The following SCART1 variants were observed in gnomAD, a reference collection of about 807,000 sequenced individuals.
SCART1 encodes the protein scavenger receptor family member expressed on T cells 1, also known as scavenger receptor cysteine-rich domain-containing protein SCART1.
A neutral mutation model predicts 36.2 loss-of-function variants in SCART1; 62 were observed. The observed-to-expected ratio is 1.71, with a 90% CI of 1.40 to 2.12. The LOEUF (loss-of-function observed/expected upper bound fraction) is 2.12. Among genes scored for constraint, SCART1 ranks in the 30% most tolerant of loss-of-function variants. The pLI is 0.00. For synonymous variants in SCART1, 487 were observed against 238.7 expected (o/e 2.04, Z -9.59); for missense variants, 1,041 against 540.5 (o/e 1.93, Z -9.18).
In SCART1 at chr10:133,458,667, G is replaced by C. The variant is rs1460176199; in HGVS notation, c.979+11G>C. 8 of 700,580 alleles carry C rather than the reference G, an allele frequency of 1.1e-5. No homozygotes were observed. Among genetic ancestry groups the C allele is most frequent in the Non-Finnish European group, 1.8e-5 (7 of 384,828 alleles). 43.4% of individuals were successfully genotyped at this position (700,580 alleles called of 1,614,324 possible). A position where few individuals can be genotyped will look rare whatever the true frequency, so the allele number is the denominator to read the frequency against. On this transcript the variant is annotated intron_variant, in intron 4 of 11. Transcript: ENST00000640237. The stretch of plus-strand genomic sequence containing the variant: ...GGCTCAGGTGCTCAGGTGAAGTCCT[G>C]TGTGTGGGCTCTGAAGGCTCAGCCC...
chr10:133,459,103 C>A, exon 5 of SCART1: 1 of 702,832 alleles, frequency 1.4e-6, no homozygotes, highest in South Asian at 1.5e-5. Flanking sequence ...CCCTCTGTGC[C>A]ACCCACTGGG....
rs529205247 is a variant in SCART1, at chr10:133,454,162, G to A, written c.67+98G>A. ...ATGAGGGTCCCTGCAGTGACCTGCC[G>A]TCTGCCTGGGTCTCACTCAGCCCAG... On this transcript the variant is annotated intron_variant, in intron 1 of 11. Coordinates refer to ENST00000640237, the Ensembl canonical transcript of SCART1. 4.9e-4 allele frequency: 339 copies of A among 691,892 alleles called. 2 individuals carry two copies. Among genetic ancestry groups the A allele is most frequent in the South Asian group, 3.4e-3 (226 of 66,142 alleles). The allele number at this position is 691,892 out of a possible 1,614,324, so 42.9% of individuals were successfully genotyped here. A position where few individuals can be genotyped will look rare whatever the true frequency, so the allele number is the denominator to read the frequency against.
At chr10:133,466,286 T>C in exon 10 of SCART1, 1 of 703,032 alleles carries the variant, frequency 1.4e-6, no homozygotes, top group Non-Finnish European at 2.6e-6. Context: ...ACATTCTGGG[T>C]GGTCAGTGTC....
rs1364649470 is a variant in SCART1, at chr10:133,464,930, G to C, written c.2275+19G>C. On this transcript the variant is annotated intron_variant, in intron 7 of 11. Coordinates refer to ENST00000640237, the Ensembl canonical transcript of SCART1. The stretch of plus-strand genomic sequence containing the variant: ...AGAGCAGGTCTGGATTACCTGTGCA[G>C]GTGGGCATTAGAGGTCTCTGGGGGT... 1.4e-6 allele frequency: 1 copy of C among 702,842 alleles called. No homozygotes were observed. Among genetic ancestry groups the C allele is most frequent in the Non-Finnish European group, 2.6e-6 (1 of 385,002 alleles). The allele number at this position is 702,842 out of a possible 1,614,324, so 43.5% of individuals were successfully genotyped here.
intron 1 of SCART1, among the ~76,000 whole-genome samples, chr10:133,454,553 C>T (rs1850584869): frequency 6.6e-6 from 1 of 151,912 alleles, no homozygotes; most frequent in South Asian, 2.1e-4. Flanking sequence ...GGGTCAGGGG[C>T]AGGGAGGTGT....
chr10:133,461,633 C>A (rs1850702891), intron 6 of SCART1, among the ~76,000 whole-genome samples: 1 of 152,088 alleles, frequency 6.6e-6, no homozygotes, highest in South Asian at 2.1e-4. Flanking sequence ...GCTCTTCAGT[C>A]CTTTGGTGTA....
chr10:133,456,581 G>A (rs1850615810), intron 2 of SCART1, 27 bp downstream of exon 2: 1 of 631,402 alleles, frequency 1.6e-6, no homozygotes, highest in Non-Finnish European at 2.9e-6. Context: ...GAAGGGGACG[G>A]GGCTGAGGAG....
chr10:133,455,097 T>C (rs1850592261), intron 1 of SCART1, among the ~76,000 whole-genome samples: 1 of 151,968 alleles, frequency 6.6e-6, no homozygotes, highest in Non-Finnish European at 1.5e-5. Context: ...TGAAACCCCA[T>C]CTCTACTAAA....
At chr10:133,465,522 C>T (rs533378213) in exon 9 of SCART1, 4 of 525,582 alleles carry the variant, frequency 7.6e-6, no homozygotes, top group South Asian at 2.7e-5. Flanking sequence ...GGTGGGGACG[C>T]GGAGACCGCG....
chr10:133,458,057 C>A (rs1327111769), intron 3 of SCART1: 10 of 607,378 alleles, frequency 1.6e-5, no homozygotes, highest in Non-Finnish European at 2.7e-5. Flanking sequence ...GCCCTGACCT[C>A]GCCTCTGGGA....
intron 10 of SCART1, among the ~76,000 whole-genome samples, 192 bp downstream of exon 10, chr10:133,466,573 A>G (rs190521141): frequency 1.8e-3 from 267 of 152,334 alleles, no homozygotes; most frequent in African/African-American, 6.2e-3. Context: ...CTTAGAAAGA[A>G]ACACTTAAAA....
At chr10:133,460,034 C>T (rs1355620580) in exon 6 of SCART1, 3 of 515,996 alleles carry the variant, frequency 5.8e-6, no homozygotes, top group Non-Finnish European at 1.0e-5. Flanking sequence ...CCGCACACTT[C>T]GGAGCCGGGG....
chr10:133,462,733 G>A (rs1156616802), intron 6 of SCART1, among the ~76,000 whole-genome samples: 2 of 152,172 alleles, frequency 1.3e-5, no homozygotes, highest in African/African-American at 4.8e-5. Context: ...GAAGGCAGGA[G>A]TAGTGGAGGC....
intron 10 of SCART1, 56 bp from the exon 11 acceptor site, chr10:133,467,142 C>A (rs1360351942): frequency 3.3e-6 from 2 of 608,156 alleles, no homozygotes; most frequent in South Asian, 4.0e-5. Flanking sequence ...TCCTCCCTTG[C>A]CTGTGGCCAC....
exon 6 of SCART1, chr10:133,459,974 C>A (rs766544758): frequency 1.8e-6 from 1 of 545,398 alleles, no homozygotes; most frequent in Non-Finnish European, 3.2e-6. Flanking sequence ...GGGACGCGCA[C>A]GTGGTCTGCA....
chr10:133,467,941 G>A (rs530263918), exon 12 of SCART1: 38 of 698,228 alleles, frequency 5.4e-5, no homozygotes, highest in Middle Eastern at 2.3e-4. Flanking sequence ...ACGAGGCTGC[G>A]TTTCCTCTGG....
exon 12 of SCART1, chr10:133,468,949 G>C (rs978319230): frequency 3.3e-5 from 5 of 152,102 alleles, no homozygotes; most frequent in African/African-American, 1.2e-4. Context: ...TAAGAGTTAG[G>C]AGTATATTCT....
chr10:133,455,354 G>T (rs535641033), intron 1 of SCART1, among the ~76,000 whole-genome samples: 2 of 152,270 alleles, frequency 1.3e-5, no homozygotes, highest in East Asian at 3.9e-4. Flanking sequence ...GGGGGGTGTG[G>T]AGGGATGGAT....
At chr10:133,459,459 T>C (rs1051163156) in intron 5 of SCART1, 28 bp from the exon 6 acceptor site, 2 of 622,402 alleles carry the variant, frequency 3.2e-6, no homozygotes, top group African/African-American at 1.8e-5. Context: ...CGCTGACATC[T>C]TGGGCCCCTG....
Sources: gnomAD v4.1 joint callset for allele counts (sites outside exome capture counted in the v4.1 genomes callset) on GRCh38, gnomAD v4.1.1 for gene constraint, MANE v1.5 for transcripts, NCBI Gene and HGNC (gene_info 2026-07-23, HGNC 2026-07-21) for gene names.